The following CRISP1 variants were observed in gnomAD, a reference collection of about 807,000 sequenced individuals.
CRISP1 encodes the protein cysteine rich secretory protein 1.
A neutral mutation model predicts 33.1 loss-of-function variants in CRISP1; 44 were observed. The observed-to-expected ratio is 1.33, with a 90% CI of 1.05 to 1.71. The LOEUF (loss-of-function observed/expected upper bound fraction) is 1.71. Ranked by LOEUF, CRISP1 falls within the 40% of genes most tolerant of loss-of-function variation. CRISP1 has a pLI of 0.00. For missense variants in CRISP1, 390 were observed against 301.2 expected (o/e 1.29, Z -2.18); for synonymous variants, 103 against 98.7 (o/e 1.04, Z -0.26).
intron 3 of CRISP1, among the ~76,000 whole-genome samples, chr6:49,851,650 C>A (rs1445187781): frequency 6.6e-6 from 1 of 152,126 alleles, no homozygotes; most frequent in Non-Finnish European, 1.5e-5. Flanking sequence ...CAGCTGGGAG[C>A]TTGTGGTGGT....
Position 49,835,319 on chromosome 6 carries a change from T to C in CRISP1, c.747A>G (p.Lys249=), listed in dbSNP as rs778581700. 23 of 1,613,502 alleles carry C rather than the reference T, an allele frequency of 1.4e-5. No individual in the cohort carries two copies. Among genetic ancestry groups the C allele is most frequent in the Non-Finnish European group, 1.9e-5 (22 of 1,179,720 alleles). ...KATCLCDTEI[K] is the part of the protein sequence containing the mutation. ...AACAGTTGAAAATAACAAAGACCTA[T>C]TTTATCTCAGTGTCACACAGACAAG... The change falls in exon 8 of 8, where the codon AAA becomes AAG. Residue 249 remains lysine, a synonymous_variant. Transcript: ENST00000335847.
intron 5 of CRISP1, among the ~76,000 whole-genome samples, chr6:49,842,869 G>T (rs1250407641): frequency 6.6e-6 from 1 of 152,156 alleles, no homozygotes; most frequent in African/African-American, 2.4e-5. Flanking sequence ...CTGGTGGAAT[G>T]TAAAATGTTT....
intron 1 of CRISP1, among the ~76,000 whole-genome samples, chr6:49,872,380 G>A (rs1485631214): frequency 2.0e-5 from 3 of 151,958 alleles, no homozygotes; most frequent in Non-Finnish European, 4.4e-5. Flanking sequence ...AGTTTCTTTT[G>A]CTGTGCAGAA....
intron 4 of CRISP1, among the ~76,000 whole-genome samples, chr6:49,847,781 G>A (rs1398090609): frequency 6.6e-6 from 1 of 151,962 alleles, no homozygotes; most frequent in Non-Finnish European, 1.5e-5. Flanking sequence ...ACCTAAAATT[G>A]TCTTATGGGC....
At chr6:49,852,940 A>G (rs1319863617) in intron 2 of CRISP1, among the ~76,000 whole-genome samples, 1 of 151,952 alleles carries the variant, frequency 6.6e-6, no homozygotes, top group Non-Finnish European at 1.5e-5. Flanking sequence ...CTAATGTACT[A>G]TAATGTGAGG....
chr6:49,869,351 C>T (rs1018755875), upstream of CRISP1, among the ~76,000 whole-genome samples: 1 of 152,154 alleles, frequency 6.6e-6, no homozygotes, highest in Non-Finnish European at 1.5e-5. Flanking sequence ...TGACAGTCAC[C>T]TACCCCTGAG....
intron 2 of CRISP1, among the ~76,000 whole-genome samples, chr6:49,853,545 T>C (rs1380014978): frequency 6.6e-6 from 1 of 152,166 alleles, no homozygotes; most frequent in African/African-American, 2.4e-5. Context: ...TCACCTACTA[T>C]ATCTCATGAT....
upstream of CRISP1, among the ~76,000 whole-genome samples, chr6:49,868,275 T>G (rs1771844464): frequency 6.6e-6 from 1 of 152,220 alleles, no homozygotes; most frequent in African/African-American, 2.4e-5. Context: ...CCTATTTTCA[T>G]AGATTGTTCT....
intron 5 of CRISP1, among the ~76,000 whole-genome samples, chr6:49,841,924 A>T (rs1399033950): frequency 1.3e-5 from 2 of 152,134 alleles, no homozygotes; most frequent in Non-Finnish European, 2.9e-5. Context: ...AGTGGTTCAA[A>T]AGGAGATGTT....
intron 4 of CRISP1, among the ~76,000 whole-genome samples, chr6:49,847,487 C>CA (rs2127472657): frequency 6.6e-6 from 1 of 152,204 alleles, no homozygotes; most frequent in South Asian, 2.1e-4. Context: ...CTCCCTCTCT[C>CA]ACCATGTGAG....
Position 49,852,074 on chromosome 6 carries a change from T to G in CRISP1, c.122A>C (p.Gln41Pro), listed in dbSNP as rs199890851. Residue 41 changes from glutamine to proline, a missense_variant, in exon 3 of 8, where the codon CAA (glutamine) becomes CCA (proline). Transcript: ENST00000335847. Reference protein sequence around the residue: ...NKLVTDLPNVQEEIVNIHNAL... With the variant: ...NKLVTDLPNVPEEIVNIHNAL... ...GTTGTGTATATTAACGATCTCTTCTTGTACATTTGGCAAGTCGGTGACGAG... is the reference window on the plus strand; with the variant it reads ...GTTGTGTATATTAACGATCTCTTCTGGTACATTTGGCAAGTCGGTGACGAG... 117 of 1,613,314 alleles carry G rather than the reference T, an allele frequency of 7.3e-5. No homozygotes were observed. The highest frequency in any genetic ancestry group is 9.6e-5 in the Non-Finnish European group (113 of 1,179,594).
In CRISP1 at chr6:49,865,585, G is replaced by C. The variant is rs184294370; in HGVS notation, c.-3+844C>G. On this transcript the variant is annotated intron_variant, in intron 1 of 7. Transcript: ENST00000335847. ...TGAAAACAAAAGGAAGGTGGTTGGTGGTTGCTTTGGTATATATTACTAAAG... is the reference window on the plus strand; with the variant it reads ...TGAAAACAAAAGGAAGGTGGTTGGTCGTTGCTTTGGTATATATTACTAAAG... 2.3e-4 allele frequency among the ~76,000 whole-genome samples: 35 copies of C among 152,200 alleles called. 1 individual carries two copies. The highest frequency in any genetic ancestry group is 7.9e-4 in the African/African-American group (33 of 41,550).
intron 3 of CRISP1, among the ~76,000 whole-genome samples, chr6:49,849,369 A>G (rs980699204): frequency 1.3e-5 from 2 of 152,130 alleles, no homozygotes; most frequent in African/African-American, 4.8e-5. Flanking sequence ...CTGCCTGTTG[A>G]CCAAATCCTC....
Position 49,846,638 on chromosome 6 carries a change from G to A in CRISP1, c.317C>T (p.Thr106Ile). The A allele has an allele frequency of 6.2e-7, 1 of 1,613,412 alleles. No homozygotes were observed. The highest frequency in any genetic ancestry group is 1.3e-5 in the African/African-American group (1 of 74,998). Residue 106 changes from threonine to isoleucine, a missense_variant, in exon 5 of 8, where the codon ACA becomes ATA. Thr to Ile is a moderately conservative substitution (Grantham distance 89, BLOSUM62 -1). Coordinates refer to ENST00000335847, the MANE Select transcript of CRISP1 (RefSeq NM_001131.3). ...NTFCGENMHM[T>I]SYPVSWSSVI... ...ACTTGACCATGATACAGGATAAGAT[G>A]TCATATGCATATTTTCTCCACAAAA...
At chr6:49,863,419 A>C (rs935880744) in intron 1 of CRISP1, among the ~76,000 whole-genome samples, 7 of 152,206 alleles carry the variant, frequency 4.6e-5, no homozygotes, top group African/African-American at 7.2e-5. Flanking sequence ...GAACAGAAGT[A>C]TTACAGAAGA....
chr6:49,863,827 A>G (rs1305598153), intron 1 of CRISP1, among the ~76,000 whole-genome samples: 2 of 152,226 alleles, frequency 1.3e-5, no homozygotes, highest in African/African-American at 4.8e-5. Flanking sequence ...TCTACAAAGA[A>G]TTAACATGAA....
At chr6:49,869,164 C>T (rs1392836213), upstream of CRISP1, among the ~76,000 whole-genome samples, 1 of 152,052 alleles carries the variant, frequency 6.6e-6, no homozygotes, top group Non-Finnish European at 1.5e-5. Context: ...TTTATGGTGC[C>T]TCATTGATTG....
chr6:49,840,859 T>C, intron 6 of CRISP1, 39 bp downstream of exon 6: 2 of 1,500,466 alleles, frequency 1.3e-6, no homozygotes, highest in African/African-American at 2.8e-5. Context: ...ATTAGGTTAC[T>C]TTAGGGGGAT....
chr6:49,857,876 A>G (rs1771539302), intron 1 of CRISP1, among the ~76,000 whole-genome samples: 1 of 152,192 alleles, frequency 6.6e-6, no homozygotes, highest in South Asian at 2.1e-4. Context: ...GCTAAGGAAT[A>G]TGGATAGCCT....
Sources: allele counts gnomAD v4.1 joint callset (sites outside exome capture counted in the v4.1 genomes callset), GRCh38; gene constraint gnomAD v4.1.1; transcripts MANE v1.5; gene names NCBI Gene and HGNC (gene_info 2026-07-23, HGNC 2026-07-21).